ZNF713: variants seen among roughly 807,000 people sequenced by gnomAD.
ZNF713 encodes the protein zinc finger protein 713.
In ZNF713, 21 loss-of-function variants were observed where a neutral mutation model predicts 28.7. That is an observed-to-expected ratio of 0.73 (90% confidence interval 0.52 to 1.05). ZNF713 has a LOEUF of 1.05. Among genes scored for constraint, ZNF713 ranks in the 50% least tolerant of loss-of-function variants. The pLI is 0.00. For synonymous variants in ZNF713, 167 were observed against 178.0 expected, an observed-to-expected ratio of 0.94 and a Z score of 0.49; for missense variants, 458 against 532.4, an observed-to-expected ratio of 0.86 and a Z score of 1.37.
rs1473160556 is a variant in ZNF713, at chr7:55,940,459, G to A, written c.*453G>A. 2.4e-5 allele frequency: 24 copies of A among 986,166 alleles called. No homozygotes were observed. The highest frequency in any genetic ancestry group is 2.9e-5 in the Non-Finnish European group (24 of 830,698). 61.1% of individuals were successfully genotyped at this position (986,166 alleles called of 1,614,324 possible). ...AATGCGTAGAAACCAAATTAATTTA[G>A]ACCTTAAACTAGCAGCATATTACAT... On this transcript the variant is annotated 3_prime_UTR_variant, in exon 7 of 7. Coordinates refer to ENST00000429591, the MANE Select transcript of ZNF713 (RefSeq NM_182633.3).
At chr7:55,893,503 C>G (rs1562734467) in intron 1 of ZNF713, among the ~76,000 whole-genome samples, 1 of 152,102 alleles carries the variant, frequency 6.6e-6, no homozygotes, top group African/African-American at 2.4e-5. Context: ...AGTTATTATA[C>G]AGAAGGCAGG....
intron 6 of ZNF713, among the ~76,000 whole-genome samples, chr7:55,930,344 A>G (rs1786185839): frequency 6.6e-6 from 1 of 152,184 alleles, no homozygotes; most frequent in Non-Finnish European, 1.5e-5. Flanking sequence ...ATTTTCATAC[A>G]TTACTGGGAT....
At position 55,939,764 on chromosome 7, in the gene ZNF713, C is replaced by T. The variant is rs772143846; in HGVS notation, c.1090C>T (p.His364Tyr). 2 of 1,614,204 alleles carry T rather than the reference C, an allele frequency of 1.2e-6. No individual in the cohort carries two copies. The highest frequency in any genetic ancestry group is 2.7e-5 in the African/African-American group (2 of 75,042). The change falls in exon 7 of 7, where the codon CAT (histidine) becomes TAT (tyrosine). Residue 364 changes from histidine to tyrosine, a missense_variant. Coordinates refer to ENST00000429591, the MANE Select transcript of ZNF713 (RefSeq NM_182633.3). ...ATCCCTTACTGAACATCATAGACTT[C>T]ATACCGGAGAGAAACCTTACGAATG... ...ITSLTEHHRL[H>Y]TGEKPYECGF...
chr7:55,899,122 G>A (rs1785524353), intron 1 of ZNF713, among the ~76,000 whole-genome samples: 1 of 151,794 alleles, frequency 6.6e-6, no homozygotes, highest in African/African-American at 2.4e-5. Context: ...GGGAGGCCGA[G>A]GCGGGCAGAT....
chr7:55,912,554 A>T, intron 3 of ZNF713, 81 bp from the exon 4 acceptor site: 2 of 991,546 alleles, frequency 2.0e-6, no homozygotes, highest in East Asian at 5.2e-5. Flanking sequence ...ACTGTCTGCC[A>T]TACCTACACA....
At chr7:55,905,138 G>A (rs1014305954) in intron 1 of ZNF713, among the ~76,000 whole-genome samples, 10 of 152,282 alleles carry the variant, frequency 6.6e-5, no homozygotes, top group African/African-American at 1.9e-4. Context: ...CGTGGCCTCC[G>A]AAGTGGGTGA....
At position 55,939,154 on chromosome 7, in the gene ZNF713, C is replaced by T. The variant is rs768978954; in HGVS notation, c.480C>T (p.His160=). The change falls in exon 7 of 7, where the codon CAC becomes CAT. Residue 160 remains histidine (H), a synonymous_variant. Coordinates refer to ENST00000429591, the MANE Select transcript of ZNF713 (RefSeq NM_182633.3). ...ATCCAGAGTTTAACCAAGAAAACCA[C>T]AAGAGATATTTAGGACAAGTAACTT... ...DYHPEFNQEN[H]KRYLGQVTLT... 2 of 1,613,868 alleles carry T rather than the reference C, an allele frequency of 1.2e-6. No homozygotes were observed. Among genetic ancestry groups the T allele is most frequent in the Admixed American group, 1.7e-5 (1 of 59,964 alleles).
intron 1 of ZNF713, among the ~76,000 whole-genome samples, chr7:55,890,942 G>C (rs1012127935): frequency 3.2e-4 from 48 of 150,158 alleles, no homozygotes; most frequent in Non-Finnish European, 4.4e-4. Context: ...GTTGCAGTGA[G>C]CCTGGATTGT....
chr7:55,919,506 T>TTGTTTTTTTTTTG (rs1785948859), intron 4 of ZNF713, among the ~76,000 whole-genome samples: 1 of 63,104 alleles, frequency 1.6e-5, no homozygotes, highest in Admixed American at 1.8e-4. Context: ...TTTTTTTTTT[T>TTGTTTTTTTTTTG]TTTTTTTTTT....
At position 55,940,120 on chromosome 7, in the gene ZNF713, TTTTTG is replaced by T. The variant is rs1218415250; in HGVS notation, c.*129_*133del. The T allele has an allele frequency of 1.7e-5, 25 of 1,440,292 alleles. No individual in the cohort carries two copies. Among genetic ancestry groups the T allele is most frequent in the South Asian group, 4.6e-5 (3 of 64,704 alleles). The allele number at this position is 1,440,292 out of a possible 1,614,324, so 89.2% of individuals were successfully genotyped here. On this transcript the variant is annotated 3_prime_UTR_variant, in exon 7 of 7. Coordinates refer to ENST00000429591, the MANE Select transcript of ZNF713 (RefSeq NM_182633.3). ...AGTGGAGAGAAAGCTTATACATAAA[TTTTTG>T]TTTTGTTTTGTTTTTGAGACTGAGT...
At chr7:55,924,005 A>AT (rs1786047406) in intron 6 of ZNF713, 1 of 174,306 alleles carries the variant, frequency 5.7e-6, no homozygotes, top group Non-Finnish European at 1.2e-5. Context: ...CTTTCTTTGT[A>AT]TTTTTTATTT....
At chr7:55,909,196 CAAA>C (rs71015121) in intron 2 of ZNF713, among the ~76,000 whole-genome samples, 11 of 53,360 alleles carry the variant, frequency 2.1e-4, no homozygotes, top group Non-Finnish European at 2.9e-4. Context: ...AAGACTCCGT[CAAA>C]AAAAAAAAAA....
rs1169543710 is a variant in ZNF713 at position 55,941,764 on chromosome 7, T to C, written c.*1758T>C. ...CCTTGAAATTAAAAATATTCGTTGA[T>C]GTCCCCCCAAAAATCTTGTGTGCCG... On this transcript the variant is annotated 3_prime_UTR_variant, in exon 7 of 7. Transcript: ENST00000429591. 6.6e-6 allele frequency: 1 copy of C among 152,164 alleles called. No individual in the cohort carries two copies. Among genetic ancestry groups the C allele is most frequent in the African/African-American group, 2.4e-5 (1 of 41,440 alleles). The allele number at this position is 152,164 out of a possible 1,614,324, so 9.4% of individuals were successfully genotyped here.
In ZNF713 at chr7:55,939,841, A is replaced by G. The variant is rs763970547; in HGVS notation, c.1167A>G (p.Glu389=). Residue 389 remains glutamate, a synonymous_variant, in exon 7 of 7, where the codon GAA becomes GAG. Transcript: ENST00000429591. ...FSQRTHLNQH[E]RTHTGEKPYK... is the part of the protein sequence containing the mutation. ...AGAGGACACATCTGAATCAACATGA[A>G]AGAACTCATACAGGAGAGAAACCCT... The G allele has an allele frequency of 6.8e-5, 110 of 1,614,042 alleles. No individual in the cohort carries two copies. Among genetic ancestry groups the G allele is most frequent in the Non-Finnish European group, 9.2e-5 (108 of 1,180,050 alleles).
rs746072454 is a variant in ZNF713 at position 55,940,813 on chromosome 7, C to CT, written c.*827dup. 3,296 of 88,644 alleles carry CT rather than the reference C, an allele frequency of 0.037. 425 individuals are homozygous for CT. The highest frequency in any genetic ancestry group is 0.14 in the African/African-American group (2,906 of 20,172). 5.5% of individuals were successfully genotyped at this position (88,644 alleles called of 1,614,324 possible). A position where few individuals can be genotyped will look rare whatever the true frequency, so the allele number is the denominator to read the frequency against. On this transcript the variant is annotated 3_prime_UTR_variant, in exon 7 of 7. Coordinates refer to ENST00000429591, the MANE Select transcript of ZNF713 (RefSeq NM_182633.3). ...CACCTGTAAGTTTTATGGTATAAAA[C>CT]TTTTTTTTTTTTTTTTTTTTGAGGC...
intron 4 of ZNF713, among the ~76,000 whole-genome samples, chr7:55,917,545 C>T (rs1785907142): frequency 6.6e-6 from 1 of 151,142 alleles, no homozygotes; most frequent in South Asian, 2.1e-4. Flanking sequence ...ACCAAAAATA[C>T]AAAAATTAGC....
rs941738335 is a variant in ZNF713, at chr7:55,940,108, C to G, written c.*102C>G. 1.2e-5 allele frequency: 17 copies of G among 1,456,540 alleles called. No homozygotes were observed. The highest frequency in any genetic ancestry group is 1.5e-5 in the Non-Finnish European group (17 of 1,111,206). 90.2% of individuals were successfully genotyped at this position (1,456,540 alleles called of 1,614,324 possible). A position where few individuals can be genotyped will look rare whatever the true frequency, so the allele number is the denominator to read the frequency against. ...CAAATTATTCATAGTGGAGAGAAAG[C>G]TTATACATAAATTTTTGTTTTGTTT... On this transcript the variant is annotated 3_prime_UTR_variant, in exon 7 of 7. Transcript: ENST00000429591.
chr7:55,920,159 A>AT (rs1391390905), intron 4 of ZNF713, among the ~76,000 whole-genome samples: 5 of 152,146 alleles, frequency 3.3e-5, no homozygotes, highest in African/African-American at 1.2e-4. Flanking sequence ...GGAACCAGGG[A>AT]TTTTTTGCCA....
At chr7:55,895,400 A>G (rs1406235801) in intron 1 of ZNF713, among the ~76,000 whole-genome samples, 1 of 150,384 alleles carries the variant, frequency 6.6e-6, no homozygotes, top group African/African-American at 2.4e-5. Flanking sequence ...TAGAATTAAG[A>G]TATATCTATC....
Sources: gnomAD v4.1 joint callset for allele counts (sites outside exome capture counted in the v4.1 genomes callset) on GRCh38, gnomAD v4.1.1 for gene constraint, MANE v1.5 for transcripts, NCBI Gene and HGNC (gene_info 2026-07-23, HGNC 2026-07-21) for gene names.